The following MEMO1 variants were observed in gnomAD, a reference collection of about 807,000 sequenced individuals.
The protein encoded by MEMO1 is mediator of cell motility 1.
MEMO1 carries 6 observed loss-of-function variants against 45.2 expected under a neutral mutation model. The ratio of observed to expected loss-of-function variants is 0.13; its 90% confidence interval spans 0.07 to 0.26. MEMO1 has a LOEUF of 0.26. MEMO1 is among the 10% of genes least tolerant of loss of function. The pLI, the probability that MEMO1 is intolerant of heterozygous loss-of-function variation, is 1.00. For synonymous variants in MEMO1, 78 were observed against 124.3 expected (o/e 0.63, Z 2.48); for missense variants, 184 against 370.5 (o/e 0.50, Z 4.13).
chr2:31,884,441 T>C (rs1010264523), intron 7 of MEMO1, among the ~76,000 whole-genome samples: 4 of 152,202 alleles, frequency 2.6e-5, no homozygotes, highest in African/African-American at 9.6e-5. Flanking sequence ...TCATGTGTCT[T>C]GTGCTTCACG....
chr2:31,920,410 T>G (rs1420626956), intron 5 of MEMO1, among the ~76,000 whole-genome samples: 2 of 152,176 alleles, frequency 1.3e-5, no homozygotes, highest in Non-Finnish European at 2.9e-5. Flanking sequence ...ATAAAGATAT[T>G]ATCAGCATTA....
rs772698906 is a variant in MEMO1 at position 31,883,349 on chromosome 2, C to A, written c.657+37G>T. On this transcript the variant is annotated intron_variant, in intron 8 of 9. Coordinates refer to ENST00000404530, the MANE Select transcript of MEMO1 (RefSeq NM_001301833.4). Reference sequence around the variant, plus strand: ...TACTAATCTGAAATTAAAGAAAAAGCCTTAGAGCATTAAAATCCCACACCT... The same window carrying A: ...TACTAATCTGAAATTAAAGAAAAAGACTTAGAGCATTAAAATCCCACACCT... 8 of 1,369,106 alleles carry A rather than the reference C, an allele frequency of 5.8e-6. No homozygotes were observed. The South Asian group carries it at 6.6e-5, about 11-fold the overall frequency. 84.8% of individuals were successfully genotyped at this position (1,369,106 alleles called of 1,614,324 possible).
At position 31,870,101 on chromosome 2, in the gene MEMO1, C is replaced by T. The variant is rs1449550494; in HGVS notation, c.658-149G>A. 5.4e-5 allele frequency: 34 copies of T among 634,856 alleles called. 1 individual carries two copies. In the South Asian group the frequency reaches 1.1e-3, roughly 21 times the overall value. 39.3% of individuals were successfully genotyped at this position (634,856 alleles called of 1,614,324 possible). A position where few individuals can be genotyped will look rare whatever the true frequency, so the allele number is the denominator to read the frequency against. ...AACAGATTAAATAAACCTTGTGAAACATCAAACTCATTCATCAAAGCTATT... is the reference window on the plus strand; with the variant it reads ...AACAGATTAAATAAACCTTGTGAAATATCAAACTCATTCATCAAAGCTATT... On this transcript the variant is annotated intron_variant, in intron 8 of 9. Coordinates refer to ENST00000404530, the MANE Select transcript of MEMO1 (RefSeq NM_001301833.4).
chr2:31,987,775 C>T (rs1261546255), intron 2 of MEMO1, among the ~76,000 whole-genome samples: 1 of 152,076 alleles, frequency 6.6e-6, no homozygotes, highest in African/African-American at 2.4e-5. Context: ...GGCCTCAAAG[C>T]TGTAGTTTTC....
At chr2:31,966,602 G>A (rs773417568) in intron 2 of MEMO1, among the ~76,000 whole-genome samples, 1 of 151,828 alleles carries the variant, frequency 6.6e-6, no homozygotes, top group Non-Finnish European at 1.5e-5. Flanking sequence ...ATGGTGGCAC[G>A]ACCTGTAGTC....
chr2:31,955,121 A>G (rs922457094), intron 2 of MEMO1, among the ~76,000 whole-genome samples: 5 of 152,094 alleles, frequency 3.3e-5, no homozygotes, highest in African/African-American at 1.2e-4. Context: ...GCATGCCTGT[A>G]GTACTACTCC....
chr2:31,895,033 G>C (rs891346116), intron 6 of MEMO1, among the ~76,000 whole-genome samples: 13 of 152,158 alleles, frequency 8.5e-5, no homozygotes, highest in Non-Finnish European at 1.9e-4. Flanking sequence ...TAAAAATTAA[G>C]AAGTTTTAAA....
intron 2 of MEMO1, among the ~76,000 whole-genome samples, chr2:31,994,297 T>C (rs922050509): frequency 7.9e-5 from 12 of 151,600 alleles, no homozygotes; most frequent in Non-Finnish European, 1.6e-4. Context: ...ACAAATATCA[T>C]ACTCGAGATA....
intron 6 of MEMO1, among the ~76,000 whole-genome samples, chr2:31,893,719 T>C (rs943277836): frequency 6.6e-6 from 1 of 152,188 alleles, no homozygotes; most frequent in African/African-American, 2.4e-5. Context: ...CTTCATAAAA[T>C]TGTTATGAAG....
chr2:31,929,636 C>G (rs1683650163), intron 4 of MEMO1, among the ~76,000 whole-genome samples: 1 of 152,146 alleles, frequency 6.6e-6, no homozygotes, highest in Non-Finnish European at 1.5e-5. Flanking sequence ...ATTTGTAATG[C>G]CTTTTAAAAT....
intron 9 of MEMO1, 23 bp downstream of exon 9, chr2:31,869,825 C>T: frequency 6.4e-7 from 1 of 1,564,226 alleles, no homozygotes; most frequent in Non-Finnish European, 8.6e-7. Context: ...TGTTAAAAGT[C>T]AAGGCTTCCT....
intron 7 of MEMO1, among the ~76,000 whole-genome samples, chr2:31,885,992 A>G (rs1041403912): frequency 6.6e-6 from 1 of 152,200 alleles, no homozygotes; most frequent in Non-Finnish European, 1.5e-5. Context: ...TCACTTTTTA[A>G]AAACTGCTTC....
chr2:31,872,610 G>GA (rs1673942940), intron 8 of MEMO1, among the ~76,000 whole-genome samples: 1 of 151,938 alleles, frequency 6.6e-6, no homozygotes, highest in South Asian at 2.1e-4. Flanking sequence ...ATTAAATGCA[G>GA]AAAAAATACT....
At chr2:31,926,978 A>G (rs1449146218) in intron 4 of MEMO1, among the ~76,000 whole-genome samples, 1 of 152,230 alleles carries the variant, frequency 6.6e-6, no homozygotes, top group African/African-American at 2.4e-5. Context: ...CACGTTACAA[A>G]ATTATGCCAG....
intron 5 of MEMO1, among the ~76,000 whole-genome samples, chr2:31,919,193 T>G (rs958328533): frequency 4.0e-5 from 6 of 151,802 alleles, no homozygotes; most frequent in African/African-American, 1.5e-4. Flanking sequence ...TGACAGCATT[T>G]TGCTGGGGAC....
chr2:32,002,157 A>AAAAT lies in MEMO1; in HGVS notation c.61+8029_61+8030insATTT, dbSNP rs1673411749. On this transcript the variant is annotated intron_variant, in intron 2 of 9. Transcript: ENST00000404530. Reference sequence around the variant, plus strand: ...GAGACTCTGTCTCAAAAAAAAAAAAAAAAAAAAAAAAATATATATATATAT... The same window carrying AAAAT: ...GAGACTCTGTCTCAAAAAAAAAAAAAAAATAAAAAAAAAAAATATATATATATAT... Among the ~76,000 whole-genome samples, 10 of 127,816 alleles carry AAAAT rather than the reference A, an allele frequency of 7.8e-5. No homozygotes were observed. In the South Asian group the frequency reaches 2.5e-3, roughly 31 times the overall value. The allele number at this position is 127,816 out of a possible 152,430, so 83.9% of individuals were successfully genotyped here. A position where few individuals can be genotyped will look rare whatever the true frequency, so the allele number is the denominator to read the frequency against.
intron 8 of MEMO1, among the ~76,000 whole-genome samples, chr2:31,873,327 A>T (rs1674065357): frequency 6.6e-6 from 1 of 152,152 alleles, no homozygotes; most frequent in South Asian, 2.1e-4. Flanking sequence ...CAGGTTTCTG[A>T]GGAATTTAAG....
chr2:31,904,334 AG>A (rs1228664916), intron 6 of MEMO1, among the ~76,000 whole-genome samples: 1 of 152,276 alleles, frequency 6.6e-6, no homozygotes, highest in Non-Finnish European at 1.5e-5. Context: ...GATTACATAC[AG>A]TAAACACTTT....
chr2:31,907,175 G>A (rs1679878068), intron 6 of MEMO1, among the ~76,000 whole-genome samples: 2 of 152,172 alleles, frequency 1.3e-5, no homozygotes, highest in South Asian at 4.1e-4. Context: ...CCCCCTTAAT[G>A]AAGCCCTTTC....
Sources: allele counts gnomAD v4.1 joint callset (sites outside exome capture counted in the v4.1 genomes callset), GRCh38; gene constraint gnomAD v4.1.1; transcripts MANE v1.5; gene names NCBI Gene and HGNC (gene_info 2026-07-23, HGNC 2026-07-21).